Variants in NXPE2 observed in about 807,000 individuals in gnomAD.
The protein encoded by NXPE2 is neurexophilin and PC-esterase domain family member 2.
In NXPE2, 34 loss-of-function variants were observed where a neutral mutation model predicts 34.4. The observed-to-expected ratio is 0.99, with a 90% CI of 0.75 to 1.31. The LOEUF (loss-of-function observed/expected upper bound fraction) is 1.31, where lower values mean the gene tolerates loss of function less well. NXPE2 is among the 40% of genes most tolerant of loss of function. NXPE2 has a pLI of 0.00. For missense variants in NXPE2, 649 were observed against 672.5 expected (o/e 0.97, Z 0.39); for synonymous variants, 235 against 231.3 (o/e 1.02, Z -0.15).
At chr11:114,604,121 G>A in the NXPE2 span, among the ~76,000 whole-genome samples, 1 of 151,984 alleles carries the variant, frequency 6.6e-6, no homozygotes, top group Non-Finnish European at 1.5e-5. Context: ...AATAAGTATT[G>A]CCTCATAGGT....
At chr11:114,737,249 C>G in the NXPE2 span, among the ~76,000 whole-genome samples, 5 of 152,090 alleles carry the variant, frequency 3.3e-5, no homozygotes, top group African/African-American at 1.2e-4. Flanking sequence ...TCAGTAATAC[C>G]CCAATCCCAT....
chr11:114,775,385 G>A, the NXPE2 span, among the ~76,000 whole-genome samples: 3 of 152,238 alleles, frequency 2.0e-5, no homozygotes, highest in Non-Finnish European at 2.9e-5. Context: ...GCAGTTGTTA[G>A]GGGGGGCAAG....
At chr11:114,583,369 T>C in the NXPE2 span, 1 of 623,444 alleles carries the variant, frequency 1.6e-6, no homozygotes, top group South Asian at 1.5e-5. Context: ...GCGTGACTCA[T>C]AATTTGCTGC....
intron 2 of NXPE2, among the ~76,000 whole-genome samples, chr11:114,685,821 G>A (rs564591528): frequency 7.3e-4 from 111 of 152,156 alleles, no homozygotes; most frequent in African/African-American, 2.6e-3. Context: ...GCTCACATTT[G>A]TGTCTCGTAT....
chr11:114,773,451 T>G, the NXPE2 span, among the ~76,000 whole-genome samples: 1 of 152,094 alleles, frequency 6.6e-6, no homozygotes, highest in African/African-American at 2.4e-5. Flanking sequence ...ATGACCTTCT[T>G]TCTTTTCTTG....
the NXPE2 span, among the ~76,000 whole-genome samples, chr11:114,517,235 T>C: frequency 3.9e-5 from 6 of 152,294 alleles, no homozygotes; most frequent in East Asian, 5.8e-4. Flanking sequence ...AGGCAATTAG[T>C]GGCTGTATGT....
chr11:114,496,460 C>G, the NXPE2 span, among the ~76,000 whole-genome samples: 1 of 152,054 alleles, frequency 6.6e-6, no homozygotes. Context: ...ATGTTAAAAC[C>G]AGGTACTGTG....
At chr11:114,583,270 C>T in the NXPE2 span, 1 of 653,066 alleles carries the variant, frequency 1.5e-6, no homozygotes, top group East Asian at 3.0e-5. Flanking sequence ...AAAGGCAGGG[C>T]ACCAGGAGGA....
At chr11:114,512,205 G>T in the NXPE2 span, among the ~76,000 whole-genome samples, 1 of 152,076 alleles carries the variant, frequency 6.6e-6, no homozygotes, top group South Asian at 2.1e-4. Context: ...AAAATGTTTC[G>T]AATGGGATGC....
the NXPE2 span, among the ~76,000 whole-genome samples, chr11:114,509,735 A>G: frequency 6.6e-6 from 1 of 152,166 alleles, no homozygotes; most frequent in African/African-American, 2.4e-5. Flanking sequence ...ACACATGGAC[A>G]CATAGAGGGG....
chr11:114,802,431 C>T, the NXPE2 span, among the ~76,000 whole-genome samples: 8 of 152,284 alleles, frequency 5.3e-5, no homozygotes, highest in African/African-American at 1.7e-4. Context: ...CAGAAGATCA[C>T]TGATTTGTCC....
the NXPE2 span, among the ~76,000 whole-genome samples, chr11:114,750,450 C>T: frequency 6.6e-6 from 1 of 152,152 alleles, no homozygotes; most frequent in East Asian, 1.9e-4. Context: ...TGGCATCTAT[C>T]CTGAAATTGC....
the NXPE2 span, chr11:114,582,382 G>A: frequency 6.2e-7 from 1 of 1,614,186 alleles, no homozygotes; most frequent in Non-Finnish European, 8.5e-7. Flanking sequence ...ATGTGTTGAG[G>A]CCTCACACAG....
chr11:114,604,738 G>A, the NXPE2 span, among the ~76,000 whole-genome samples: 2 of 151,912 alleles, frequency 1.3e-5, no homozygotes, highest in South Asian at 4.1e-4. Flanking sequence ...TTACTCGGTG[G>A]ATAATAAGTA....
At chr11:114,643,215 A>G in the NXPE2 span, among the ~76,000 whole-genome samples, 4 of 152,046 alleles carry the variant, frequency 2.6e-5, 1 homozygote, top group Admixed American at 2.6e-4. Context: ...TTTCCTGTTC[A>G]TTCTGATGAT....
downstream of NXPE2, among the ~76,000 whole-genome samples, chr11:114,707,808 T>C (rs535518912): frequency 8.5e-5 from 13 of 152,346 alleles, no homozygotes; most frequent in South Asian, 2.5e-3. Context: ...TCCTTTTCTG[T>C]CTGGCGTATT....
At chr11:114,719,899 G>C in the NXPE2 span, among the ~76,000 whole-genome samples, 2 of 152,260 alleles carry the variant, frequency 1.3e-5, no homozygotes, top group South Asian at 4.1e-4. Flanking sequence ...CACTTGCTTG[G>C]TTCCCATTAT....
the NXPE2 span, among the ~76,000 whole-genome samples, chr11:114,577,294 C>G: frequency 6.6e-6 from 1 of 151,380 alleles, no homozygotes; most frequent in African/African-American, 2.4e-5. Context: ...TGAAGTAACT[C>G]AGGAATGGAA....
At chr11:114,474,360 G>C in the NXPE2 span, among the ~76,000 whole-genome samples, 2 of 152,200 alleles carry the variant, frequency 1.3e-5, no homozygotes, top group Non-Finnish European at 2.9e-5. Flanking sequence ...AGGTGTCAGA[G>C]AGAGTAGTGA....
Sources: allele counts gnomAD v4.1 joint callset (sites outside exome capture counted in the v4.1 genomes callset), GRCh38; gene constraint gnomAD v4.1.1; transcripts MANE v1.5; gene names NCBI Gene and HGNC (gene_info 2026-07-23, HGNC 2026-07-21).